PITPNC1: variants seen among roughly 807,000 people sequenced by gnomAD.
PITPNC1 encodes cytoplasmic phosphatidylinositol transfer protein 1.
Under a neutral mutation model 44.7 loss-of-function variants are expected in PITPNC1, and 18 were observed. The observed-to-expected ratio is 0.40, with a 90% CI of 0.28 to 0.60. The LOEUF is 0.60. Among genes scored for constraint, PITPNC1 ranks in the 20% least tolerant of loss-of-function variants. The pLI, the probability that PITPNC1 is intolerant of heterozygous loss-of-function variation, is 0.39. For missense variants in PITPNC1, 290 were observed against 418.4 expected (o/e 0.69, Z 2.68); for synonymous variants, 141 against 149.6 (o/e 0.94, Z 0.42).
In PITPNC1 at chr17:67,695,252, G is replaced by A. The variant is rs1048019960; in HGVS notation, c.*2364G>A. The A allele has an allele frequency of 6.6e-6, 1 of 152,120 alleles. No homozygotes were observed. The highest frequency in any genetic ancestry group is 2.4e-5 in the African/African-American group (1 of 41,440). 9.4% of individuals were successfully genotyped at this position (152,120 alleles called of 1,614,324 possible). ...ATATGCTTTGTGTGAGTTAAAAAGG[G>A]GGTGGGTGGTGTAAATATTCCTTTA... On this transcript the variant is annotated 3_prime_UTR_variant, in exon 9 of 9. Transcript: ENST00000581322.
At chr17:67,687,772 T>G (rs2144464999) in intron 8 of PITPNC1, among the ~76,000 whole-genome samples, 1 of 152,278 alleles carries the variant, frequency 6.6e-6, no homozygotes, top group Middle Eastern at 3.4e-3. Flanking sequence ...AGCAGATCCC[T>G]GGGACTTAGG....
At chr17:67,670,178 A>G (rs937083383) in intron 7 of PITPNC1, among the ~76,000 whole-genome samples, 2 of 152,226 alleles carry the variant, frequency 1.3e-5, no homozygotes, top group African/African-American at 2.4e-5. Flanking sequence ...TAGATGTTTT[A>G]TGCCCCATCT....
intron 2 of PITPNC1, among the ~76,000 whole-genome samples, chr17:67,545,491 G>T (rs993985340): frequency 1.3e-5 from 2 of 152,056 alleles, no homozygotes; most frequent in Non-Finnish European, 2.9e-5. Flanking sequence ...CATGAGAATT[G>T]CTTGAACCCA....
intron 1 of PITPNC1, among the ~76,000 whole-genome samples, chr17:67,390,320 A>G (rs537516922): frequency 6.6e-6 from 1 of 152,174 alleles, no homozygotes; most frequent in African/African-American, 2.4e-5. Flanking sequence ...ACAGGGCTGC[A>G]GGGGTCTGTG....
chr17:67,580,196 A>G (rs2041210441), intron 5 of PITPNC1, among the ~76,000 whole-genome samples: 1 of 152,148 alleles, frequency 6.6e-6, no homozygotes, highest in South Asian at 2.1e-4. Flanking sequence ...ACCACCTTCC[A>G]TATTTCAGTG....
chr17:67,697,224 A>C lies in PITPNC1; in HGVS notation c.*4336A>C, dbSNP rs1433349964. Reference sequence around the variant, plus strand: ...TTGTTAATAACTTACTTTTTCTTACATTCTGTTGTAAATAAAATACAAAGC... The same window carrying C: ...TTGTTAATAACTTACTTTTTCTTACCTTCTGTTGTAAATAAAATACAAAGC... On this transcript the variant is annotated 3_prime_UTR_variant, in exon 9 of 9. Coordinates refer to ENST00000581322, the MANE Select transcript of PITPNC1 (RefSeq NM_012417.4). 6.6e-6 allele frequency: 1 copy of C among 151,306 alleles called. No individual in the cohort carries two copies. Among genetic ancestry groups the C allele is most frequent in the Non-Finnish European group, 1.5e-5 (1 of 67,910 alleles). 9.4% of individuals were successfully genotyped at this position (151,306 alleles called of 1,614,324 possible). A position where few individuals can be genotyped will look rare whatever the true frequency, so the allele number is the denominator to read the frequency against.
chr17:67,649,801 G>A (rs1239454272), intron 6 of PITPNC1, among the ~76,000 whole-genome samples: 2 of 152,010 alleles, frequency 1.3e-5, no homozygotes, highest in Admixed American at 1.3e-4. Flanking sequence ...TGCTAGAAAG[G>A]CTCACAGAAC....
At chr17:67,415,206 T>A (rs769823007) in intron 1 of PITPNC1, among the ~76,000 whole-genome samples, 1 of 152,192 alleles carries the variant, frequency 6.6e-6, no homozygotes, top group Non-Finnish European at 1.5e-5. Flanking sequence ...TGATCTGTTA[T>A]GCTGTTTGTT....
At chr17:67,513,665 G>T (rs2040221622) in intron 1 of PITPNC1, among the ~76,000 whole-genome samples, 1 of 151,894 alleles carries the variant, frequency 6.6e-6, no homozygotes, top group Non-Finnish European at 1.5e-5. Flanking sequence ...CTGGAAGGGG[G>T]CTTCCCAGTG....
intron 6 of PITPNC1, among the ~76,000 whole-genome samples, chr17:67,635,263 G>A (rs1440890941): frequency 6.6e-6 from 1 of 152,164 alleles, no homozygotes; most frequent in African/African-American, 2.4e-5. Context: ...TAGAGGGCTG[G>A]TGGCAGAGAT....
At chr17:67,690,374 G>A (rs561179412) in intron 8 of PITPNC1, among the ~76,000 whole-genome samples, 27 of 151,786 alleles carry the variant, frequency 1.8e-4, no homozygotes, top group African/African-American at 6.3e-4. Flanking sequence ...CTTGAACCCC[G>A]GAGGCGGAAG....
chr17:67,497,527 G>GTTTTTTTT (rs1568014688), intron 1 of PITPNC1, among the ~76,000 whole-genome samples: 1 of 88,988 alleles, frequency 1.1e-5, no homozygotes. Context: ...ACTTGTTCGT[G>GTTTTTTTT]TCTTTTTTTT....
At chr17:67,651,588 G>A (rs183930057) in intron 6 of PITPNC1, among the ~76,000 whole-genome samples, 102 of 152,134 alleles carry the variant, frequency 6.7e-4, no homozygotes, top group African/African-American at 2.3e-3. Flanking sequence ...TGAATGTATA[G>A]TTCAGTGGAT....
chr17:67,416,630 C>T (rs1713168053), intron 1 of PITPNC1, among the ~76,000 whole-genome samples: 1 of 152,146 alleles, frequency 6.6e-6, no homozygotes, highest in Non-Finnish European at 1.5e-5. Context: ...TCCTGGTTCC[C>T]AGGTGCAGGG....
intron 1 of PITPNC1, among the ~76,000 whole-genome samples, chr17:67,436,423 AC>A (rs2038937273): frequency 1.3e-5 from 2 of 152,170 alleles, no homozygotes; most frequent in African/African-American, 4.8e-5. Flanking sequence ...AGCAGCAAGT[AC>A]TAGCATGGCC....
chr17:67,380,377 C>T (rs1258224935), intron 1 of PITPNC1, among the ~76,000 whole-genome samples: 1 of 152,116 alleles, frequency 6.6e-6, no homozygotes, highest in African/African-American at 2.4e-5. Context: ...GCCCAGCCAG[C>T]CCTTCCTTTC....
intron 1 of PITPNC1, among the ~76,000 whole-genome samples, chr17:67,449,562 A>G (rs889411690): frequency 1.3e-5 from 2 of 152,248 alleles, no homozygotes; most frequent in African/African-American, 4.8e-5. Context: ...TAGCAAAGAA[A>G]AAAATCTTCT....
chr17:67,645,535 C>T (rs2706710), intron 6 of PITPNC1, among the ~76,000 whole-genome samples: 37,121 of 151,394 alleles, frequency 0.25, 5,762 homozygotes, highest in African/African-American at 0.44. Context: ...GCTCAACTTA[C>T]TGAGGTCAAG....
At chr17:67,568,141 G>A (rs2041005721) in intron 4 of PITPNC1, among the ~76,000 whole-genome samples, 1 of 152,184 alleles carries the variant, frequency 6.6e-6, no homozygotes, top group Admixed American at 6.5e-5. Context: ...GATGTAGTAT[G>A]TCCGTACAAT....
Sources: allele counts gnomAD v4.1 joint callset (sites outside exome capture counted in the v4.1 genomes callset), GRCh38; gene constraint gnomAD v4.1.1; transcripts MANE v1.5; gene names NCBI Gene and HGNC (gene_info 2026-07-23, HGNC 2026-07-21).